SCFD1: variants seen among roughly 807,000 people sequenced by gnomAD.
SCFD1 encodes sec1 family domain containing 1, also known as sec1 family domain-containing protein 1.
A neutral mutation model predicts 103.2 loss-of-function variants in SCFD1; 37 were observed. That is an observed-to-expected ratio of 0.36 (90% confidence interval 0.28 to 0.47). The LOEUF (loss-of-function observed/expected upper bound fraction) is 0.47, where lower values mean the gene tolerates loss of function less well. Ranked by LOEUF, SCFD1 falls within the 20% of genes least tolerant of loss-of-function variation. The pLI is 1.00. For synonymous variants in SCFD1, 264 were observed against 245.0 expected (o/e 1.08, Z -0.73); for missense variants, 639 against 761.2 (o/e 0.84, Z 1.89).
At chr14:30,659,890 G>A (rs1373714584) in intron 10 of SCFD1, among the ~76,000 whole-genome samples, 1 of 151,836 alleles carries the variant, frequency 6.6e-6, no homozygotes, top group East Asian at 1.9e-4. Flanking sequence ...CTTTTACTAG[G>A]GAATATTTCA....
At chr14:30,651,502 G>T (rs1886385823) in intron 9 of SCFD1, among the ~76,000 whole-genome samples, 1 of 150,932 alleles carries the variant, frequency 6.6e-6, no homozygotes, top group East Asian at 2.0e-4. Context: ...TTTCATTTCT[G>T]GTCTTAAGTA....
At chr14:30,673,211 G>T (rs541409552) in intron 11 of SCFD1, 46 bp from the exon 12 acceptor site, 3 of 823,506 alleles carry the variant, frequency 3.6e-6, no homozygotes, top group African/African-American at 1.7e-5. Flanking sequence ...CACAAAAATT[G>T]GTCTTTTAAT....
chr14:30,651,299 G>A (rs186093030), intron 9 of SCFD1, among the ~76,000 whole-genome samples: 2 of 152,172 alleles, frequency 1.3e-5, no homozygotes, highest in East Asian at 3.9e-4. Context: ...AAAATAAACA[G>A]ATGCCCAGAG....
At chr14:30,640,170 CA>C (rs1306522120) in intron 6 of SCFD1, among the ~76,000 whole-genome samples, 1 of 152,140 alleles carries the variant, frequency 6.6e-6, no homozygotes, top group Non-Finnish European at 1.5e-5. Flanking sequence ...TAGCAGATTT[CA>C]AATTTATCAT....
At chr14:30,682,870 A>G (rs1242689231) in intron 14 of SCFD1, among the ~76,000 whole-genome samples, 2 of 152,184 alleles carry the variant, frequency 1.3e-5, no homozygotes, top group Non-Finnish European at 1.5e-5. Context: ...TTAATGACCA[A>G]AATGTATTTA....
At chr14:30,734,682 A>G in intron 23 of SCFD1, 108 bp from the exon 24 acceptor site, 1 of 839,086 alleles carries the variant, frequency 1.2e-6, no homozygotes, top group Admixed American at 1.9e-5. Flanking sequence ...TATCCCAAAG[A>G]AAGACTGTTA....
intron 23 of SCFD1, 129 bp downstream of exon 23, chr14:30,722,688 T>C (rs1566663120): frequency 2.1e-6 from 1 of 472,882 alleles, no homozygotes; most frequent in East Asian, 3.3e-5. Context: ...ATCATGCATA[T>C]ATGATTTTTA....
chr14:30,630,916 T>C (rs1884044344), intron 3 of SCFD1: 1 of 184,876 alleles, frequency 5.4e-6, no homozygotes, highest in African/African-American at 2.4e-5. Context: ...AAACCCATCA[T>C]AAGTTGAAAT....
Position 30,695,005 on chromosome 14 carries a change from T to A in SCFD1, c.1339+136T>A, listed in dbSNP as rs1594717031. On this transcript the variant is annotated intron_variant, in intron 15 of 24. Coordinates refer to ENST00000458591, the MANE Select transcript of SCFD1 (RefSeq NM_016106.4). ...TATCAAGATAATTAAATGAGCTATT[T>A]TCTGGTAAAATTTTATAACTTAGCA... 2.1e-6 allele frequency: 3 copies of A among 1,438,922 alleles called. No individual in the cohort carries two copies. In the East Asian group the frequency reaches 8.4e-5, roughly 40 times the overall value. The allele number at this position is 1,438,922 out of a possible 1,614,324, so 89.1% of individuals were successfully genotyped here.
intron 4 of SCFD1, among the ~76,000 whole-genome samples, chr14:30,637,527 T>A (rs1476920926): frequency 6.6e-6 from 1 of 152,164 alleles, no homozygotes; most frequent in Non-Finnish European, 1.5e-5. Context: ...TCATTAATTC[T>A]TAGTGTTACA....
intron 16 of SCFD1, among the ~76,000 whole-genome samples, chr14:30,701,203 G>A (rs892949734): frequency 6.6e-6 from 1 of 152,158 alleles, no homozygotes; most frequent in Non-Finnish European, 1.5e-5. Flanking sequence ...TATTAAGACA[G>A]CAAAACTAAA....
At chr14:30,671,740 GATA>G (rs1276338709) in intron 11 of SCFD1, among the ~76,000 whole-genome samples, 1 of 152,084 alleles carries the variant, frequency 6.6e-6, no homozygotes, top group Non-Finnish European at 1.5e-5. Context: ...AAAATAGGGA[GATA>G]ATAATTCTAC....
chr14:30,644,847 A>G (rs1392060047), intron 7 of SCFD1, among the ~76,000 whole-genome samples: 1 of 151,816 alleles, frequency 6.6e-6, no homozygotes, highest in Non-Finnish European at 1.5e-5. Context: ...AATTAGGTCC[A>G]ATTTGTCTGT....
chr14:30,706,444 A>T (rs917322240), intron 18 of SCFD1, among the ~76,000 whole-genome samples: 1 of 151,990 alleles, frequency 6.6e-6, no homozygotes. Context: ...TTTCTACAAC[A>T]AATATTGTCT....
At chr14:30,718,620 A>G (rs1000605320) in intron 20 of SCFD1, among the ~76,000 whole-genome samples, 2 of 152,258 alleles carry the variant, frequency 1.3e-5, no homozygotes, top group African/African-American at 2.4e-5. Flanking sequence ...CCTGATAAAT[A>G]ATCTTGATTG....
chr14:30,734,925 G>C, intron 24 of SCFD1, 67 bp downstream of exon 24: 2 of 1,330,012 alleles, frequency 1.5e-6, no homozygotes, highest in Non-Finnish European at 2.1e-6. Flanking sequence ...TTTTTCAAAA[G>C]AGAGAAAGAA....
At chr14:30,653,208 G>A (rs987688299) in intron 9 of SCFD1, among the ~76,000 whole-genome samples, 12 of 152,158 alleles carry the variant, frequency 7.9e-5, no homozygotes, top group African/African-American at 2.7e-4. Context: ...AACCAAGGCA[G>A]AAGGATTGCT....
At chr14:30,640,732 A>G (rs2139049864) in intron 6 of SCFD1, among the ~76,000 whole-genome samples, 1 of 152,086 alleles carries the variant, frequency 6.6e-6, no homozygotes, top group East Asian at 1.9e-4. Flanking sequence ...CAAGTTTATA[A>G]TTCTAACAAG....
At chr14:30,718,838 C>G (rs1892460507) in intron 20 of SCFD1, among the ~76,000 whole-genome samples, 1 of 152,134 alleles carries the variant, frequency 6.6e-6, no homozygotes, top group African/African-American at 2.4e-5. Flanking sequence ...ACTGAGAGTG[C>G]TATGATTGAT....
Sources: allele counts gnomAD v4.1 joint callset (sites outside exome capture counted in the v4.1 genomes callset), GRCh38; gene constraint gnomAD v4.1.1; transcripts MANE v1.5; gene names NCBI Gene and HGNC (gene_info 2026-07-23, HGNC 2026-07-21).